C12orf50: variants seen among roughly 807,000 people sequenced by gnomAD.
C12orf50 encodes the protein zinc finger CCCH-type containing 11D, also known as uncharacterized protein C12orf50.
A neutral mutation model predicts 61.6 loss-of-function variants in C12orf50; 35 were observed. That is an observed-to-expected ratio of 0.57 (90% CI 0.43 to 0.75). The LOEUF is 0.75. Ranked by LOEUF, C12orf50 falls within the 30% of genes least tolerant of loss-of-function variation. The probability of loss-of-function intolerance (pLI) is 0.00; values close to 1 mark genes in which losing one functional copy is unlikely to be tolerated. For missense variants in C12orf50, 475 were observed against 488.5 expected (o/e 0.97, Z 0.26); for synonymous variants, 178 against 161.5 (o/e 1.10, Z -0.77).
At chr12:88,028,660 G>A (rs1422185125) in intron 1 of C12orf50, among the ~76,000 whole-genome samples, 1 of 152,006 alleles carries the variant, frequency 6.6e-6, no homozygotes, top group East Asian at 1.9e-4. Flanking sequence ...ATTACACTAA[G>A]ATTGACACTT....
chr12:88,022,431 T>A (rs1229350417), intron 3 of C12orf50, among the ~76,000 whole-genome samples: 4 of 152,006 alleles, frequency 2.6e-5, no homozygotes, highest in Admixed American at 2.6e-4. Flanking sequence ...CATTCCCCCT[T>A]GAAAACTGGA....
intron 3 of C12orf50, among the ~76,000 whole-genome samples, chr12:88,009,338 A>T (rs2032011587): frequency 6.6e-6 from 1 of 152,092 alleles, no homozygotes; most frequent in Non-Finnish European, 1.5e-5. Context: ...ATTTGCCAAT[A>T]ATATGGGTAT....
intron 3 of C12orf50, among the ~76,000 whole-genome samples, chr12:88,001,203 C>A (rs746525152): frequency 6.6e-6 from 1 of 151,510 alleles, no homozygotes; most frequent in Non-Finnish European, 1.5e-5. Flanking sequence ...TTTTTTATAA[C>A]GTATGTGTGT....
Position 87,983,165 on chromosome 12 carries a change from G to T in C12orf50, c.1157C>A (p.Ser386Ter). The T allele has an allele frequency of 6.2e-7, 1 of 1,604,294 alleles. No individual in the cohort carries two copies. The highest frequency in any genetic ancestry group is 1.1e-5 in the South Asian group (1 of 89,840). Reference sequence around the variant, plus strand: ...AAAAGGAATTCGTTTTCGCCAGGCTGAATCATTATATGATGTTGACGTATA... The same window carrying T: ...AAAAGGAATTCGTTTTCGCCAGGCTTAATCATTATATGATGTTGACGTATA... The part of the protein sequence containing the change: ...DKYTSTSYND[S>*]AWRKRIPFSK... Residue 386 changes from serine (S) to a stop codon, truncating the protein, a stop_gained, in exon 12 of 13, where the codon TCA (serine) becomes TAA (stop). Transcript: ENST00000298699. LOFTEE classifies it high-confidence loss of function.
intron 3 of C12orf50, among the ~76,000 whole-genome samples, chr12:88,006,986 G>A (rs1397178327): frequency 6.6e-6 from 1 of 152,124 alleles, no homozygotes; most frequent in African/African-American, 2.4e-5. Flanking sequence ...ATGCCCTTAG[G>A]ACAATTTCTT....
intron 7 of C12orf50, among the ~76,000 whole-genome samples, chr12:87,991,334 A>G (rs2031111558): frequency 6.6e-6 from 1 of 152,202 alleles, no homozygotes; most frequent in Non-Finnish European, 1.5e-5. Context: ...AAACCTGAGG[A>G]AAATGAAAGA....
intron 3 of C12orf50, among the ~76,000 whole-genome samples, chr12:88,003,083 A>C (rs2031716846): frequency 1.3e-5 from 2 of 151,818 alleles, no homozygotes; most frequent in Admixed American, 6.6e-5. Flanking sequence ...AGGAGCTAAG[A>C]GGGGAAAAAG....
At chr12:88,004,992 A>G (rs2031801055) in intron 3 of C12orf50, among the ~76,000 whole-genome samples, 1 of 152,134 alleles carries the variant, frequency 6.6e-6, no homozygotes, top group Admixed American at 6.5e-5. Flanking sequence ...CATGCAATTT[A>G]TCTTTAGAAC....
At chr12:88,011,069 T>C (rs2032090947) in intron 3 of C12orf50, among the ~76,000 whole-genome samples, 1 of 152,164 alleles carries the variant, frequency 6.6e-6, no homozygotes, top group Non-Finnish European at 1.5e-5. Context: ...TTCATGTCAC[T>C]ATGATCAACT....
Position 87,985,906 on chromosome 12 carries a change from T to C in C12orf50, c.1070A>G (p.His357Arg), listed in dbSNP as rs760851920. 5.0e-6 allele frequency: 8 copies of C among 1,613,614 alleles called. No individual in the cohort carries two copies. The Admixed American group carries it at 8.3e-5, about 17-fold the overall frequency. Residue 357 changes from histidine to arginine, a missense_variant, in exon 11 of 13, where the codon CAT becomes CGT. Transcript: ENST00000298699. ...AGCATGGACTTTATTGTAGGACCCA[T>C]GCGTGGGCCTGCTGCGGGAAGGTGC... ...LNAPSRSRPT[H>R]GSYNKVHANR...
At position 87,994,683 on chromosome 12, in the gene C12orf50, GT is replaced by G; in HGVS notation, c.541del (p.Thr181HisfsTer38). 6.2e-7 allele frequency: 1 copy of G among 1,613,338 alleles called. No homozygotes were observed. The highest frequency in any genetic ancestry group is 8.5e-7 in the Non-Finnish European group (1 of 1,179,576). ...SQYERQGEIKTSLHGKPKTDI... is the reference protein window; with the variant it reads ...SQYERQGEIKXSLHGKPKTDI... ...AGTCTTTGGTTTCCCATGCAATGATGTTTTTATTTCACCTTGCCTTTCATAT... is the reference window on the plus strand; with the variant it reads ...AGTCTTTGGTTTCCCATGCAATGATGTTTTATTTCACCTTGCCTTTCATAT... On this transcript the variant is annotated frameshift_variant, in exon 7 of 13. Coordinates refer to ENST00000298699, the MANE Select transcript of C12orf50 (RefSeq NM_152589.3). LOFTEE classifies it high-confidence loss of function.
rs768143850 is a variant in C12orf50, at chr12:87,985,870, G to T, written c.1106C>A (p.Pro369His). Residue 369 changes from proline (P) to histidine (H), a missense_variant, in exon 11 of 13, where the codon CCC becomes CAC. By Grantham distance (77) the Pro-to-His change is moderately conservative. Coordinates refer to ENST00000298699, the MANE Select transcript of C12orf50 (RefSeq NM_152589.3). ...CTCACCTGGACTGAGGTTGGGTTTG[G>T]GTTCCCTGTTAGCATGGACTTTATT... ...SYNKVHANRE[P>H]KPNLSPDKYT... 6.2e-7 allele frequency: 1 copy of T among 1,612,940 alleles called. No individual in the cohort carries two copies. Among genetic ancestry groups the T allele is most frequent in the Non-Finnish European group, 8.5e-7 (1 of 1,179,828 alleles).
chr12:88,028,753 T>C (rs2032796402), intron 1 of C12orf50, among the ~76,000 whole-genome samples: 1 of 152,134 alleles, frequency 6.6e-6, no homozygotes, highest in Non-Finnish European at 1.5e-5. Flanking sequence ...GTTTTAATAT[T>C]AGGAATTTAA....
At chr12:88,016,325 T>C (rs995626123) in intron 3 of C12orf50, among the ~76,000 whole-genome samples, 9 of 152,184 alleles carry the variant, frequency 5.9e-5, no homozygotes, top group African/African-American at 2.2e-4. Context: ...CCGACACTCA[T>C]AAAGGTAGAT....
chr12:88,022,250 G>A (rs571346925), intron 3 of C12orf50, among the ~76,000 whole-genome samples: 2 of 151,604 alleles, frequency 1.3e-5, no homozygotes, highest in South Asian at 4.2e-4. Context: ...AAACCATATT[G>A]AGATATGATT....
At chr12:87,988,014 A>G (rs1212885279) in intron 8 of C12orf50, 48 bp from the exon 9 acceptor site, 5 of 1,276,264 alleles carry the variant, frequency 3.9e-6, no homozygotes, top group Non-Finnish European at 5.6e-6. Flanking sequence ...AGTTTTTAAA[A>G]AAAGCATTTC....
intron 3 of C12orf50, among the ~76,000 whole-genome samples, chr12:88,023,260 G>A (rs1297247850): frequency 6.6e-6 from 1 of 151,754 alleles, no homozygotes; most frequent in African/African-American, 2.4e-5. Context: ...AACAGGGAGA[G>A]GACTCCCCTT....
At chr12:88,018,794 G>T (rs1415853957) in intron 3 of C12orf50, among the ~76,000 whole-genome samples, 1 of 152,196 alleles carries the variant, frequency 6.6e-6, no homozygotes, top group Non-Finnish European at 1.5e-5. Context: ...TGTCTGCCCT[G>T]CTGGATTTTG....
intron 3 of C12orf50, among the ~76,000 whole-genome samples, chr12:88,020,731 A>G (rs567728621): frequency 5.9e-5 from 9 of 152,224 alleles, no homozygotes; most frequent in African/African-American, 1.9e-4. Flanking sequence ...AACAGAATAT[A>G]CATTCTTCTC....
Sources: gnomAD v4.1 joint callset for allele counts (sites outside exome capture counted in the v4.1 genomes callset) on GRCh38, gnomAD v4.1.1 for gene constraint, MANE v1.5 for transcripts, NCBI Gene and HGNC (gene_info 2026-07-23, HGNC 2026-07-21) for gene names.